ADD1: variants seen among roughly 807,000 people sequenced by gnomAD.
ADD1 encodes the protein adducin 1.
ADD1 carries 24 observed loss-of-function variants against 80.5 expected under a neutral mutation model. That is an observed-to-expected ratio of 0.30 (90% confidence interval 0.22 to 0.42). The LOEUF (loss-of-function observed/expected upper bound fraction) is 0.42. Among genes scored for constraint, ADD1 ranks in the 10% least tolerant of loss-of-function variants. ADD1 has a pLI of 1.00. For missense variants in ADD1, 948 were observed against 1,019.0 expected, an observed-to-expected ratio of 0.93 and a Z score of 0.95; for synonymous variants, 373 against 393.8, an observed-to-expected ratio of 0.95 and a Z score of 0.63.
chr4:2,852,275 TTCC>T (rs1727360550), intron 1 of ADD1, among the ~76,000 whole-genome samples: 1 of 135,004 alleles, frequency 7.4e-6, no homozygotes, highest in Non-Finnish European at 1.6e-5. Context: ...CCTTCCTTCC[TTCC>T]TTCTTTTCTT....
intron 10 of ADD1, among the ~76,000 whole-genome samples, chr4:2,906,214 G>C (rs553058418): frequency 2.4e-4 from 36 of 152,276 alleles, no homozygotes; most frequent in African/African-American, 7.9e-4. Context: ...GCTCCTGAGC[G>C]GCCGCGTCAC....
intron 2 of ADD1, among the ~76,000 whole-genome samples, chr4:2,880,823 T>A (rs1464306133): frequency 6.6e-6 from 1 of 151,984 alleles, no homozygotes; most frequent in African/African-American, 2.4e-5. Flanking sequence ...TTAGTGCAGG[T>A]TGGGAATATA....
intron 4 of ADD1, 91 bp downstream of exon 4, chr4:2,884,757 G>A: frequency 7.1e-7 from 1 of 1,408,390 alleles, no homozygotes; most frequent in South Asian, 1.5e-5. Context: ...AGGGAAGCAG[G>A]CTGAGCTTCA....
At chr4:2,884,892 A>G (rs1407229071) in intron 4 of ADD1, among the ~76,000 whole-genome samples, 1 of 152,238 alleles carries the variant, frequency 6.6e-6, no homozygotes, top group African/African-American at 2.4e-5. Context: ...GTGCTAACCT[A>G]ATAAAACAAC....
In ADD1 at chr4:2,916,976, CAT is replaced by C. The variant is rs1739191080; in HGVS notation, c.1948+1938_1948+1939del. 2.6e-5 allele frequency among the ~76,000 whole-genome samples: 4 copies of C among 152,118 alleles called. No individual in the cohort carries two copies. In the South Asian group the frequency reaches 8.3e-4, roughly 32 times the overall value. On this transcript the variant is annotated intron_variant, in intron 14 of 15. Transcript: ENST00000683351. ...TTGTTTCCAACTCTTTCGTATTGTG[CAT>C]AGTGGTGCAGTACACATATGTGTGC...
intron 4 of ADD1, among the ~76,000 whole-genome samples, chr4:2,889,999 G>A (rs1370173236): frequency 6.6e-6 from 1 of 151,732 alleles, no homozygotes; most frequent in East Asian, 2.0e-4. Flanking sequence ...AGGAGTTTGA[G>A]ACCAGTGTGG....
At chr4:2,855,475 T>G (rs1727919257) in intron 1 of ADD1, among the ~76,000 whole-genome samples, 1 of 151,930 alleles carries the variant, frequency 6.6e-6, no homozygotes, top group African/African-American at 2.4e-5. Context: ...CTTAATATTC[T>G]TTTAGTGATT....
intron 4 of ADD1, among the ~76,000 whole-genome samples, chr4:2,889,723 G>A (rs563536101): frequency 2.0e-5 from 3 of 152,322 alleles, no homozygotes; most frequent in African/African-American, 7.2e-5. Flanking sequence ...TGGGGAGGCT[G>A]AGACAGGAGA....
At chr4:2,873,911 G>T (rs897780822) in intron 1 of ADD1, among the ~76,000 whole-genome samples, 2 of 152,234 alleles carry the variant, frequency 1.3e-5, no homozygotes, top group Non-Finnish European at 2.9e-5. Context: ...AAATAGAGAA[G>T]AATAAGTTTC....
intron 4 of ADD1, among the ~76,000 whole-genome samples, chr4:2,885,241 G>T (rs1422266030): frequency 2.0e-5 from 3 of 151,974 alleles, no homozygotes; most frequent in Non-Finnish European, 2.9e-5. Flanking sequence ...CCTCATTTCA[G>T]CAATACTCTG....
intron 13 of ADD1, among the ~76,000 whole-genome samples, chr4:2,910,708 TC>T (rs1737878706): frequency 6.6e-6 from 1 of 152,142 alleles, no homozygotes; most frequent in Non-Finnish European, 1.5e-5. Flanking sequence ...GTGTGCTCTG[TC>T]CCAGTGATAT....
At chr4:2,858,143 T>C (rs1017382668) in intron 1 of ADD1, among the ~76,000 whole-genome samples, 1 of 152,186 alleles carries the variant, frequency 6.6e-6, no homozygotes, top group Non-Finnish European at 1.5e-5. Context: ...GGTGGAGATA[T>C]GTGTCCCCCT....
At chr4:2,912,835 A>G (rs779787214) in intron 13 of ADD1, among the ~76,000 whole-genome samples, 12 of 151,304 alleles carry the variant, frequency 7.9e-5, no homozygotes, top group Non-Finnish European at 1.0e-4. Context: ...CTGATAGTTT[A>G]TTCTTTGTTT....
rs766080317 is a variant in ADD1, at chr4:2,926,725, C to T, written c.2047+613C>T. The T allele has an allele frequency of 1.3e-6, 2 of 1,559,630 alleles. No individual in the cohort carries two copies. Among genetic ancestry groups the T allele is most frequent in the Non-Finnish European group, 8.8e-7 (1 of 1,134,772 alleles). On this transcript the variant is annotated intron_variant, in intron 15 of 15. Coordinates refer to ENST00000683351, the MANE Select transcript of ADD1 (RefSeq NM_001354761.2). The surrounding 1 kb of genome is among the most constrained non-coding windows in gnomAD (Gnocchi z 5.0). Reference sequence around the variant, plus strand: ...TCCACCGGTGCCCTGCGCTTTGCCTCATTCTCCTGCTTCTTTGTTGTTTAT... The same window carrying T: ...TCCACCGGTGCCCTGCGCTTTGCCTTATTCTCCTGCTTCTTTGTTGTTTAT...
intron 1 of ADD1, among the ~76,000 whole-genome samples, chr4:2,848,336 G>C (rs534410410): frequency 6.6e-6 from 1 of 152,158 alleles, no homozygotes; most frequent in Non-Finnish European, 1.5e-5. Flanking sequence ...GGAATGAGGG[G>C]AAGCACATTT....
intron 13 of ADD1, among the ~76,000 whole-genome samples, chr4:2,913,964 C>T (rs1048308648): frequency 1.3e-5 from 2 of 150,576 alleles, no homozygotes; most frequent in Non-Finnish European, 2.9e-5. Flanking sequence ...GAGGCTGAGG[C>T]AGGAGAATGG....
intron 14 of ADD1, among the ~76,000 whole-genome samples, chr4:2,916,143 A>G (rs1333216610): frequency 6.6e-6 from 1 of 150,804 alleles, no homozygotes; most frequent in Non-Finnish European, 1.5e-5. Flanking sequence ...TGGATCAGTT[A>G]GTGGGAAAGC....
chr4:2,849,737 C>T (rs139306686), intron 1 of ADD1, among the ~76,000 whole-genome samples: 12 of 152,308 alleles, frequency 7.9e-5, no homozygotes, highest in African/African-American at 2.9e-4. Flanking sequence ...CCCTCATCTG[C>T]ACACTGTCGC....
intron 2 of ADD1, among the ~76,000 whole-genome samples, chr4:2,879,529 T>C (rs624833): frequency 2.6e-5 from 4 of 152,004 alleles, no homozygotes; most frequent in Admixed American, 2.0e-4. Context: ...GACTGAGGGC[T>C]CCTGAAGGCA....
Sources: allele counts gnomAD v4.1 joint callset (sites outside exome capture counted in the v4.1 genomes callset), GRCh38; gene constraint gnomAD v4.1.1; non-coding constraint Gnocchi (gnomAD v3.1); transcripts MANE v1.5; gene names NCBI Gene and HGNC (gene_info 2026-07-23, HGNC 2026-07-21).